GUCD1: variants seen among roughly 807,000 people sequenced by gnomAD.
GUCD1 encodes the protein guanylyl cyclase domain containing 1.
A neutral mutation model predicts 28.3 loss-of-function variants in GUCD1; 17 were observed. The observed-to-expected ratio is 0.60, with a 90% CI of 0.41 to 0.90. The LOEUF (loss-of-function observed/expected upper bound fraction) is 0.90. Ranked by LOEUF, GUCD1 falls within the 40% of genes least tolerant of loss-of-function variation. The pLI is 0.00. For synonymous variants in GUCD1, 129 were observed against 123.3 expected, an observed-to-expected ratio of 1.05 and a Z score of -0.30; for missense variants, 279 against 305.5, an observed-to-expected ratio of 0.91 and a Z score of 0.65.
chr22:24,544,855 A>C (rs1451487287), intron 4 of GUCD1, among the ~76,000 whole-genome samples: 1 of 152,140 alleles, frequency 6.6e-6, no homozygotes, highest in Non-Finnish European at 1.5e-5. Flanking sequence ...TTACAAAAAC[A>C]TTTAAAAATT....
rs765808956 is a variant in GUCD1 at position 24,544,000 on chromosome 22, C to CA, written c.469dup (p.Cys157LeufsTer2). On this transcript the variant is annotated frameshift_variant, in exon 5 of 6. Coordinates refer to ENST00000435822, the MANE Select transcript of GUCD1 (RefSeq NM_001284254.2). LOFTEE classifies it high-confidence loss of function. The stretch of plus-strand genomic sequence containing the variant: ...CTTGACAGGGCTGGAGCACAGGTCA[C>CA]AGTGCAGCACCCCCGAGTTCACCAG... 1 of 1,614,028 alleles carries CA rather than the reference C, an allele frequency of 6.2e-7. No individual in the cohort carries two copies. The highest frequency in any genetic ancestry group is 8.5e-7 in the Non-Finnish European group (1 of 1,179,968).
chr22:24,555,443 C>G (rs2045032193), upstream of GUCD1: 2 of 1,149,558 alleles, frequency 1.7e-6, no homozygotes, highest in South Asian at 3.3e-5. Flanking sequence ...TGCCGGGTCC[C>G]GCTCTTTTGC....
chr22:24,551,614 CA>C (rs2044877394), intron 1 of GUCD1, among the ~76,000 whole-genome samples: 1 of 152,228 alleles, frequency 6.6e-6, no homozygotes, highest in Non-Finnish European at 1.5e-5. Flanking sequence ...CTGCTGTTCT[CA>C]AGGTTGTGTC....
At chr22:24,549,724 A>G (rs1359258872) in intron 1 of GUCD1, among the ~76,000 whole-genome samples, 4 of 152,070 alleles carry the variant, frequency 2.6e-5, no homozygotes, top group African/African-American at 9.7e-5. Context: ...CATGTTGTCC[A>G]TGGTTCCATG....
At position 24,543,971 on chromosome 22, in the gene GUCD1, A is replaced by G; in HGVS notation, c.499T>C (p.Cys167Arg). 6.2e-7 allele frequency: 1 copy of G among 1,614,050 alleles called. No homozygotes were observed. Among genetic ancestry groups the G allele is most frequent in the Non-Finnish European group, 8.5e-7 (1 of 1,179,980 alleles). Residue 167 changes from cysteine (C) to arginine (R), a missense_variant, in exon 5 of 6, where the codon TGC becomes CGC. Transcript: ENST00000435822. ...TGGTGGCCACTGGGGGTGAAGCAGC[A>G]GTACTTGACAGGGCTGGAGCACAGG... ...CDLCSSPVKYCCFTPSGHHCF... is the reference protein window; with the variant it reads ...CDLCSSPVKYRCFTPSGHHCF...
chr22:24,542,983 C>G lies in GUCD1; in HGVS notation c.*23G>C. 1.3e-6 allele frequency: 2 copies of G among 1,576,286 alleles called. No individual in the cohort carries two copies. Among genetic ancestry groups the G allele is most frequent in the Middle Eastern group, 1.7e-4 (1 of 6,004 alleles). ...TGGGGTGGGGATGGGGTCCGAGGGCCTAGGCGCACCAGGCTCCTGCTGTCA... is the reference window on the plus strand; with the variant it reads ...TGGGGTGGGGATGGGGTCCGAGGGCGTAGGCGCACCAGGCTCCTGCTGTCA... On this transcript the variant is annotated 3_prime_UTR_variant, in exon 6 of 6. Coordinates refer to ENST00000435822, the MANE Select transcript of GUCD1 (RefSeq NM_001284254.2).
intron 4 of GUCD1, among the ~76,000 whole-genome samples, chr22:24,545,670 C>G (rs745598415): frequency 4.3e-4 from 66 of 151,798 alleles, no homozygotes; most frequent in Non-Finnish European, 8.5e-4. Flanking sequence ...GTGGCGCGAT[C>G]TCGGCTCACT....
Position 24,542,970 on chromosome 22 carries a change from G to A in GUCD1, c.*36C>T, listed in dbSNP as rs1366754193. On this transcript the variant is annotated 3_prime_UTR_variant, in exon 6 of 6. Transcript: ENST00000435822. ...GAGCGGGCCCGGCTGGGGTGGGGATGGGGTCCGAGGGCCTAGGCGCACCAG... is the reference window on the plus strand; with the variant it reads ...GAGCGGGCCCGGCTGGGGTGGGGATAGGGTCCGAGGGCCTAGGCGCACCAG... 1.3e-6 allele frequency: 2 copies of A among 1,485,924 alleles called. No homozygotes were observed. The highest frequency in any genetic ancestry group is 1.4e-5 in the African/African-American group (1 of 72,254). 92.0% of individuals were successfully genotyped at this position (1,485,924 alleles called of 1,614,324 possible).
chr22:24,552,134 C>T (rs915362720), intron 1 of GUCD1, among the ~76,000 whole-genome samples: 5 of 152,146 alleles, frequency 3.3e-5, no homozygotes, highest in African/African-American at 4.8e-5. Context: ...AACCTGCCAG[C>T]GCCTTGATCT....
At position 24,542,958 on chromosome 22, in the gene GUCD1, T is replaced by G; in HGVS notation, c.*48A>C. Reference sequence around the variant, plus strand: ...CCAGGGCATCCTGAGCGGGCCCGGCTGGGGTGGGGATGGGGTCCGAGGGCC... The same window carrying G: ...CCAGGGCATCCTGAGCGGGCCCGGCGGGGGTGGGGATGGGGTCCGAGGGCC... On this transcript the variant is annotated 3_prime_UTR_variant, in exon 6 of 6. Coordinates refer to ENST00000435822, the MANE Select transcript of GUCD1 (RefSeq NM_001284254.2). The G allele has an allele frequency of 7.2e-7, 1 of 1,398,142 alleles. No individual in the cohort carries two copies. 86.6% of individuals were successfully genotyped at this position (1,398,142 alleles called of 1,614,324 possible).
Position 24,548,032 on chromosome 22 carries a change from A to G in GUCD1, c.170T>C (p.Leu57Pro), listed in dbSNP as rs1442738142. ...GCTCCTGGTCAGCTGCAGCTTCTGC[A>G]GGGCTCTCTCAAACTCACTGTCGTC... Reference protein sequence around the residue: ...QLDDSEFERALQKLQLTRSIW... With the variant: ...QLDDSEFERAPQKLQLTRSIW... The change falls in exon 3 of 6, where the codon CTG becomes CCG. Residue 57 changes from leucine to proline, a missense_variant. Leu to Pro is a moderately conservative substitution (Grantham distance 98). Coordinates refer to ENST00000435822, the MANE Select transcript of GUCD1 (RefSeq NM_001284254.2). 6.2e-7 allele frequency: 1 copy of G among 1,614,022 alleles called. No individual in the cohort carries two copies. The highest frequency in any genetic ancestry group is 8.5e-7 in the Non-Finnish European group (1 of 1,180,020).
intron 1 of GUCD1, among the ~76,000 whole-genome samples, chr22:24,552,143 C>T (rs541001107): frequency 6.6e-6 from 1 of 152,304 alleles, no homozygotes; most frequent in South Asian, 2.1e-4. Flanking sequence ...GCGCCTTGAT[C>T]TTGGACCTCA....
At chr22:24,551,432 T>G (rs906643765) in intron 1 of GUCD1, among the ~76,000 whole-genome samples, 8 of 152,218 alleles carry the variant, frequency 5.3e-5, no homozygotes, top group South Asian at 2.1e-4. Flanking sequence ...AGTTTCCCAC[T>G]GCTCTTGGAA....
At chr22:24,555,240 C>G (rs1417619033), upstream of GUCD1, 9 of 1,320,952 alleles carry the variant, frequency 6.8e-6, no homozygotes, top group Admixed American at 1.1e-4. Flanking sequence ...AGGTCCCCAG[C>G]CTCTTGATTT....
At chr22:24,555,344 C>G, upstream of GUCD1, 4 of 1,371,880 alleles carry the variant, frequency 2.9e-6, no homozygotes, top group Non-Finnish European at 1.9e-6. Flanking sequence ...GGACGCGGGC[C>G]CCGGAAGCCC....
intron 1 of GUCD1, among the ~76,000 whole-genome samples, 186 bp from the exon 2 acceptor site, chr22:24,549,187 G>A (rs562575169): frequency 1.1e-3 from 165 of 152,228 alleles, no homozygotes; most frequent in Non-Finnish European, 1.9e-3. Flanking sequence ...CCAAAACACC[G>A]GCCAGAGCAG....
At chr22:24,555,364 C>G, upstream of GUCD1, 43 of 1,271,454 alleles carry the variant, frequency 3.4e-5, no homozygotes, top group East Asian at 1.2e-4. Flanking sequence ...CCGCCCCTTT[C>G]TTTGAGCCCC....
At chr22:24,549,092 GA>G (rs577008818) in intron 1 of GUCD1, 91 bp from the exon 2 acceptor site, 240 of 857,434 alleles carry the variant, frequency 2.8e-4, no homozygotes, top group Non-Finnish European at 4.3e-4. Flanking sequence ...CTCCTGCCTA[GA>G]CCCTGCAGGG....
Position 24,549,013 on chromosome 22 carries a change from C to A in GUCD1, c.44-12G>T. 1 of 1,558,908 alleles carries A rather than the reference C, an allele frequency of 6.4e-7. No homozygotes were observed. On this transcript the variant is annotated splice_polypyrimidine_tract_variant and intron_variant, in intron 1 of 5. Coordinates refer to ENST00000435822, the MANE Select transcript of GUCD1 (RefSeq NM_001284254.2). ...TTGCACAAAGTCCCCTGTGCAGAAA[C>A]AGAGGGAGGTCACAGACCCTCAGCG...
Sources: allele counts gnomAD v4.1 joint callset (sites outside exome capture counted in the v4.1 genomes callset), GRCh38; gene constraint gnomAD v4.1.1; transcripts MANE v1.5; gene names NCBI Gene and HGNC (gene_info 2026-07-23, HGNC 2026-07-21).